SUMF1: variants seen among roughly 807,000 people sequenced by gnomAD.
The protein encoded by SUMF1 is sulfatase modifying factor 1.
In SUMF1, 48 loss-of-function variants were observed where a neutral mutation model predicts 47.6. The observed-to-expected ratio is 1.01, with a 90% CI of 0.80 to 1.28. The LOEUF (loss-of-function observed/expected upper bound fraction) is 1.28, where lower values mean the gene tolerates loss of function less well. SUMF1 is among the 50% of genes most tolerant of loss of function. The pLI is 0.00. For synonymous variants in SUMF1, 230 were observed against 192.1 expected, an observed-to-expected ratio of 1.20 and a Z score of -1.63; for missense variants, 571 against 485.4, an observed-to-expected ratio of 1.18 and a Z score of -1.66.
intron 1 of SUMF1, among the ~76,000 whole-genome samples, chr3:4,464,835 A>G (rs1006890247): frequency 2.6e-5 from 4 of 152,252 alleles, no homozygotes; most frequent in Non-Finnish European, 4.4e-5. Context: ...GCTTGAAGGT[A>G]TATTCTCATC....
intron 8 of SUMF1, among the ~76,000 whole-genome samples, chr3:4,215,086 C>T (rs1450181703): frequency 2.6e-5 from 4 of 152,076 alleles, no homozygotes; most frequent in African/African-American, 9.7e-5. Flanking sequence ...CTGGCAGAGA[C>T]ACAACAAAAA....
chr3:4,169,493 A>C (rs1694783670), intron 8 of SUMF1, among the ~76,000 whole-genome samples: 1 of 152,170 alleles, frequency 6.6e-6, no homozygotes, highest in African/African-American at 2.4e-5. Flanking sequence ...TGCCAACAAC[A>C]CCAGAATCCC....
chr3:4,234,162 C>G (rs900622023), intron 8 of SUMF1, among the ~76,000 whole-genome samples: 1 of 152,100 alleles, frequency 6.6e-6, no homozygotes, highest in Non-Finnish European at 1.5e-5. Flanking sequence ...CTGGTCCTGA[C>G]TCTTGTTTCT....
At position 4,361,813 on chromosome 3, in the gene SUMF1, G is replaced by A. The variant is rs924328586; in HGVS notation, c.*331C>T. 3.0e-5 allele frequency: 10 copies of A among 335,888 alleles called. No individual in the cohort carries two copies. Among genetic ancestry groups the A allele is most frequent in the African/African-American group, 1.1e-4 (5 of 47,474 alleles). 20.8% of individuals were successfully genotyped at this position (335,888 alleles called of 1,614,324 possible). On this transcript the variant is annotated 3_prime_UTR_variant, in exon 9 of 9. Coordinates refer to ENST00000272902, the MANE Select transcript of SUMF1 (RefSeq NM_182760.4). Reference sequence around the variant, plus strand: ...TTGAGGCCCAGGAAGGTCAAGCGTCGGACCTGGGGTCTAACCCCTGTGGCA... The same window carrying A: ...TTGAGGCCCAGGAAGGTCAAGCGTCAGACCTGGGGTCTAACCCCTGTGGCA...
At chr3:4,270,783 G>T (rs1379312132) in intron 8 of SUMF1, among the ~76,000 whole-genome samples, 1 of 152,126 alleles carries the variant, frequency 6.6e-6, no homozygotes, top group Non-Finnish European at 1.5e-5. Context: ...ATTTAATATT[G>T]ATATTAACAA....
At chr3:4,321,492 AAG>A (rs1307912111) in intron 8 of SUMF1, among the ~76,000 whole-genome samples, 4 of 149,488 alleles carry the variant, frequency 2.7e-5, no homozygotes, top group Non-Finnish European at 4.4e-5. Flanking sequence ...AAAAAAAAAA[AAG>A]AAAAAGAAAG....
rs146908280 is a variant in SUMF1 at position 4,127,724 on chromosome 3, A to C, written c.1015-58979T>G. 3.3e-4 allele frequency among the ~76,000 whole-genome samples: 51 copies of C among 152,296 alleles called. 1 individual carries two copies. The highest frequency in any genetic ancestry group is 3.4e-3 in the Middle Eastern group (1 of 294). On this transcript the variant is annotated intron_variant and NMD_transcript_variant, in intron 8 of 12. Coordinates refer to the SUMF1 transcript ENST00000448413. ...TTCCATTAGTTCTGTTCCCCTAGCA[A>C]ACCCTGACTAACACAGACTTTGGTA...
Position 4,203,151 on chromosome 3 carries a change from T to G in SUMF1, c.1015-134406A>C, listed in dbSNP as rs1409471871. 2.6e-5 allele frequency among the ~76,000 whole-genome samples: 4 copies of G among 152,044 alleles called. No individual in the cohort carries two copies. In the East Asian group the frequency reaches 7.7e-4, roughly 29 times the overall value. On this transcript the variant is annotated intron_variant and NMD_transcript_variant, in intron 8 of 12. Coordinates refer to the SUMF1 transcript ENST00000448413. ...AGTGTGATAGTTCTTCTTTGTTGGT[T>G]TTCTGTCTAAAGGTCTCTCCAATGC...
intron 6 of SUMF1, among the ~76,000 whole-genome samples, chr3:4,413,015 T>C (rs1299551819): frequency 6.6e-6 from 1 of 151,002 alleles, no homozygotes; most frequent in Admixed American, 6.6e-5. Flanking sequence ...TCAATACTAT[T>C]TTTTTTTTAG....
chr3:4,299,335 G>A (rs1019440624), intron 8 of SUMF1, among the ~76,000 whole-genome samples: 4 of 152,166 alleles, frequency 2.6e-5, no homozygotes, highest in Non-Finnish European at 5.9e-5. Flanking sequence ...GGGTACACCT[G>A]AGGCCTCTCT....
At chr3:4,429,895 G>T (rs1008376085) in intron 3 of SUMF1, among the ~76,000 whole-genome samples, 32 of 152,328 alleles carry the variant, frequency 2.1e-4, no homozygotes, top group African/African-American at 6.0e-4. Context: ...TGGCAAGGTG[G>T]TGACTGCTGA....
rs141124451 is a variant in SUMF1 at position 4,066,736 on chromosome 3, T to C, written c.1191+1833A>G. 1.8e-3 allele frequency among the ~76,000 whole-genome samples: 269 copies of C among 152,276 alleles called. 14 individuals are homozygous for C. In the East Asian group the frequency reaches 0.046, roughly 26 times the overall value. ...TTCCCGGCCGATGTCACCTGCAATA[T>C]AACAAAGCCTTATCCCCTGGCAAAA... On this transcript the variant is annotated intron_variant and NMD_transcript_variant, in intron 9 of 12. Transcript: ENST00000448413.
intron 8 of SUMF1, among the ~76,000 whole-genome samples, chr3:4,275,689 A>G (rs1283667096): frequency 6.6e-6 from 1 of 152,206 alleles, no homozygotes; most frequent in African/African-American, 2.4e-5. Flanking sequence ...TGGGGAGAAG[A>G]GATGGATGTT....
intron 8 of SUMF1, among the ~76,000 whole-genome samples, chr3:4,118,830 C>A (rs995605165): frequency 1.3e-5 from 2 of 152,086 alleles, no homozygotes; most frequent in Non-Finnish European, 2.9e-5. Context: ...TTTGCTTCTA[C>A]ATTACATAAA....
chr3:4,253,514 A>T (rs11915286), intron 8 of SUMF1, among the ~76,000 whole-genome samples: 3,722 of 151,794 alleles, frequency 0.025, 146 homozygotes, highest in African/African-American at 0.085. Flanking sequence ...CGCACCTGGA[A>T]AATCGGGTCA....
At chr3:4,043,589 A>G (rs1432956319) in intron 9 of SUMF1, among the ~76,000 whole-genome samples, 5 of 151,798 alleles carry the variant, frequency 3.3e-5, no homozygotes, top group Admixed American at 6.6e-5. Flanking sequence ...GCCCTTTACC[A>G]GTTCTCTATT....
intron 8 of SUMF1, among the ~76,000 whole-genome samples, chr3:4,078,591 C>T (rs1334465162): frequency 1.3e-5 from 2 of 151,864 alleles, no homozygotes; most frequent in East Asian, 1.9e-4. Flanking sequence ...CATACATTAA[C>T]TCATTTAATC....
Position 4,455,355 on chromosome 3 carries a change from C to T in SUMF1, c.271-2306G>A, listed in dbSNP as rs373726430. Among the ~76,000 whole-genome samples, 25 of 152,242 alleles carry T rather than the reference C, an allele frequency of 1.6e-4. No individual in the cohort carries two copies. The East Asian group carries it at 1.7e-3, about 11-fold the overall frequency. ...AATTCCTAGAAACATACAGCCTACCCAGACTGAATCAAGAAAAAGTAGAAA... is the reference window on the plus strand; with the variant it reads ...AATTCCTAGAAACATACAGCCTACCTAGACTGAATCAAGAAAAAGTAGAAA... On this transcript the variant is annotated intron_variant, in intron 1 of 8. Transcript: ENST00000272902.
At chr3:4,402,248 C>T (rs929753023) in intron 7 of SUMF1, among the ~76,000 whole-genome samples, 4 of 152,114 alleles carry the variant, frequency 2.6e-5, no homozygotes, top group African/African-American at 9.7e-5. Context: ...TGGACCCTGT[C>T]TTCTTCATCT....
Sources: gnomAD v4.1 joint callset for allele counts (sites outside exome capture counted in the v4.1 genomes callset) on GRCh38, gnomAD v4.1.1 for gene constraint, MANE v1.5 for transcripts, NCBI Gene and HGNC (gene_info 2026-07-23, HGNC 2026-07-21) for gene names.